The following JAKMIP3 variants were observed in gnomAD, a reference collection of about 807,000 sequenced individuals.
JAKMIP3 encodes Janus kinase and microtubule interacting protein 3.
JAKMIP3 carries 58 observed loss-of-function variants against 118.5 expected under a neutral mutation model. That is an observed-to-expected ratio of 0.49 (90% CI 0.40 to 0.61). JAKMIP3 has a LOEUF of 0.61. Ranked by LOEUF, JAKMIP3 falls within the 20% of genes least tolerant of loss-of-function variation. JAKMIP3 has a pLI of 0.00. For synonymous variants in JAKMIP3, 486 were observed against 451.2 expected (o/e 1.08, Z -0.98); for missense variants, 950 against 1,109.0 (o/e 0.86, Z 2.04).
rs369770681 is a variant in JAKMIP3 at position 132,149,520 on chromosome 10, G to A, written c.1947+10G>A. On this transcript the variant is annotated intron_variant, in intron 15 of 23. Coordinates refer to ENST00000684848, the MANE Select transcript of JAKMIP3 (RefSeq NM_001323087.2). ...GGCCGAAGGTGTGACGGTGAGTCCC[G>A]CCCCTCCTGCCCACTCCGCCCCCAC... The A allele has an allele frequency of 2.4e-5, 33 of 1,347,602 alleles. No homozygotes were observed. Among genetic ancestry groups the A allele is most frequent in the Middle Eastern group, 1.9e-4 (1 of 5,310 alleles). 83.5% of individuals were successfully genotyped at this position (1,347,602 alleles called of 1,614,324 possible). A position where few individuals can be genotyped will look rare whatever the true frequency, so the allele number is the denominator to read the frequency against.
chr10:132,061,219 G>A (rs1367679047), upstream of JAKMIP3, among the ~76,000 whole-genome samples: 1 of 33,426 alleles, frequency 3.0e-5, no homozygotes, highest in East Asian at 2.1e-3. Context: ...CCGTGACGGC[G>A]CACACATACA....
At chr10:132,102,442 C>T (rs989484870) in intron 1 of JAKMIP3, among the ~76,000 whole-genome samples, 1 of 152,144 alleles carries the variant, frequency 6.6e-6, no homozygotes, top group Admixed American at 6.5e-5. Context: ...CCAGCTTTGC[C>T]ATCTGCCCGA....
intron 3 of JAKMIP3, among the ~76,000 whole-genome samples, chr10:132,122,001 G>A (rs1400705565): frequency 2.0e-5 from 3 of 152,164 alleles, no homozygotes; most frequent in Non-Finnish European, 2.9e-5. Context: ...CCTAACTCTG[G>A]CCAGCAAAGC....
chr10:132,153,661 G>A, intron 17 of JAKMIP3, 98 bp from the exon 18 acceptor site: 1 of 1,173,508 alleles, frequency 8.5e-7, no homozygotes, highest in Admixed American at 1.7e-5. Flanking sequence ...GAAGAGGAAG[G>A]AAGACCCAGG....
intron 16 of JAKMIP3, among the ~76,000 whole-genome samples, chr10:132,150,671 C>T (rs1377719998): frequency 1.3e-5 from 2 of 151,844 alleles, no homozygotes; most frequent in Non-Finnish European, 1.5e-5. Context: ...TGTATCCATC[C>T]TCCACAATTC....
intron 1 of JAKMIP3, among the ~76,000 whole-genome samples, chr10:132,075,325 T>C (rs2040606233): frequency 6.6e-6 from 1 of 152,112 alleles, no homozygotes; most frequent in African/African-American, 2.4e-5. Context: ...TTACAGCTTT[T>C]CACAGTCCTT....
At chr10:132,126,030 G>A (rs1411980545) in intron 3 of JAKMIP3, among the ~76,000 whole-genome samples, 3 of 152,154 alleles carry the variant, frequency 2.0e-5, no homozygotes, top group Non-Finnish European at 4.4e-5. Flanking sequence ...GTCCCAAAGT[G>A]CTGGGATGAC....
At position 132,117,260 on chromosome 10, in the gene JAKMIP3, A is replaced by G; in HGVS notation, c.319A>G (p.Lys107Glu). ...QHEAELLRVIKIKDNENQRLQ... is the reference protein window; with the variant it reads ...QHEAELLRVIEIKDNENQRLQ... Reference sequence around the variant, plus strand: ...TGAGGCTGAGCTGCTCAGGGTCATCAAGATCAAGGACAACGAGAACCAGCG... The same window carrying G: ...TGAGGCTGAGCTGCTCAGGGTCATCGAGATCAAGGACAACGAGAACCAGCG... Residue 107 changes from lysine to glutamate, a missense_variant, in exon 3 of 24, where the codon AAG becomes GAG. Lys to Glu is a moderately conservative substitution (Grantham distance 56). Coordinates refer to ENST00000684848, the MANE Select transcript of JAKMIP3 (RefSeq NM_001323087.2). This position sits in a 1 kb window ranked among gnomAD's most constrained non-coding sequence, Gnocchi z 8.6. 6.2e-7 allele frequency: 1 copy of G among 1,613,986 alleles called. No homozygotes were observed. The highest frequency in any genetic ancestry group is 8.5e-7 in the Non-Finnish European group (1 of 1,179,884).
chr10:132,097,912 C>CTT lies in JAKMIP3; in HGVS notation c.-137-6760_-137-6759insTT, dbSNP rs1253476652. Among the ~76,000 whole-genome samples the CTT allele has an allele frequency of 1.9e-4, 9 of 46,406 alleles. 1 individual carries two copies. The highest frequency in any genetic ancestry group is 1.3e-3 in the South Asian group (1 of 788). The allele number at this position is 46,406 out of a possible 152,430, so 30.4% of individuals were successfully genotyped here. ...TCCCTTCCCCTTCCCCTTCCCCTTC[C>CTT]CCTTCCCCTTTCCTTCCCCTTCCCC... On this transcript the variant is annotated intron_variant, in intron 1 of 23. Coordinates refer to ENST00000684848, the MANE Select transcript of JAKMIP3 (RefSeq NM_001323087.2).
At chr10:132,056,152 G>A (rs1322531619) in intron 1 of JAKMIP3, among the ~76,000 whole-genome samples, 5 of 152,114 alleles carry the variant, frequency 3.3e-5, no homozygotes, top group Non-Finnish European at 5.9e-5. Flanking sequence ...GTCTGGCCTC[G>A]TTCCTGGTGA....
intron 1 of JAKMIP3, among the ~76,000 whole-genome samples, chr10:132,038,421 GATCTAGGAGTTTGTGGAAA>G (rs2037589308): frequency 6.6e-6 from 1 of 152,164 alleles, no homozygotes; most frequent in Non-Finnish European, 1.5e-5. Context: ...ACTTTTGCAA[GATCTAGGAGTTTGTGGAAA>G]ATGGCATAAC....
rs1353760033 is a variant in JAKMIP3, at chr10:132,159,012, C to G, written c.2221-4197C>G. Reference sequence around the variant, plus strand: ...GTGTGATGCTGGGGGGGGGCCTCTCCCTGTGTGATGCTGGGGGGGGTCTCT... The same window carrying G: ...GTGTGATGCTGGGGGGGGGCCTCTCGCTGTGTGATGCTGGGGGGGGTCTCT... On this transcript the variant is annotated intron_variant, in intron 19 of 23. Coordinates refer to ENST00000684848, the MANE Select transcript of JAKMIP3 (RefSeq NM_001323087.2). 3.9e-4 allele frequency among the ~76,000 whole-genome samples: 23 copies of G among 58,818 alleles called. 5 individuals are homozygous for G. Among genetic ancestry groups the G allele is most frequent in the African/African-American group, 1.2e-3 (15 of 12,492 alleles). 38.6% of individuals were successfully genotyped at this position (58,818 alleles called of 152,430 possible).
chr10:132,126,055 A>G (rs2049479425), intron 3 of JAKMIP3, among the ~76,000 whole-genome samples: 1 of 152,252 alleles, frequency 6.6e-6, no homozygotes, highest in African/African-American at 2.4e-5. Flanking sequence ...GTGAGCCACC[A>G]TACCTCATCC....
At chr10:132,042,753 C>T (rs2037800090) in intron 1 of JAKMIP3, among the ~76,000 whole-genome samples, 1 of 152,118 alleles carries the variant, frequency 6.6e-6, no homozygotes, top group South Asian at 2.1e-4. Flanking sequence ...CACCCTGGAT[C>T]ATTAGGGTAT....
At chr10:132,167,274 C>T (rs1016915290) in intron 22 of JAKMIP3, among the ~76,000 whole-genome samples, 9 of 152,290 alleles carry the variant, frequency 5.9e-5, no homozygotes, top group South Asian at 2.1e-4. Context: ...CTGTAGAGGC[C>T]GCAAGGTGCT....
rs572147221 is a variant in JAKMIP3, at chr10:132,179,033, G to T, written c.*1104-3324G>T. On this transcript the variant is annotated intron_variant, in intron 23 of 23. Coordinates refer to ENST00000684848, the MANE Select transcript of JAKMIP3 (RefSeq NM_001323087.2). The surrounding 1 kb of genome is among the most constrained non-coding windows in gnomAD (Gnocchi z 4.3). ...TGCCTTCGTGCCCGTGGGGCTGGGGGCCCCGACCTGTGGAAACACCCTGTG... is the reference window on the plus strand; with the variant it reads ...TGCCTTCGTGCCCGTGGGGCTGGGGTCCCCGACCTGTGGAAACACCCTGTG... Among the ~76,000 whole-genome samples the T allele has an allele frequency of 6.7e-4, 102 of 152,338 alleles. No individual in the cohort carries two copies. The highest frequency in any genetic ancestry group is 1.2e-3 in the Non-Finnish European group (85 of 68,018).
rs2932950 is a variant in JAKMIP3, at chr10:132,158,941, G to T, written c.2221-4268G>T. ...AGGGGCATCTTCCTTTGTGATGCTGGGGGGGGGGACCTCTCGCTGTGTGAT... is the reference window on the plus strand; with the variant it reads ...AGGGGCATCTTCCTTTGTGATGCTGTGGGGGGGGACCTCTCGCTGTGTGAT... On this transcript the variant is annotated intron_variant, in intron 19 of 23. Coordinates refer to ENST00000684848, the MANE Select transcript of JAKMIP3 (RefSeq NM_001323087.2). Among the ~76,000 whole-genome samples, 257 of 85,708 alleles carry T rather than the reference G, an allele frequency of 3.0e-3. 12 individuals carry two copies. The highest frequency in any genetic ancestry group is 6.0e-3 in the African/African-American group (87 of 14,580). 56.2% of individuals were successfully genotyped at this position (85,708 alleles called of 152,430 possible).
At chr10:132,051,118 G>A (rs1229631495) in intron 1 of JAKMIP3, among the ~76,000 whole-genome samples, 1 of 149,296 alleles carries the variant, frequency 6.7e-6, no homozygotes, top group African/African-American at 2.5e-5. Context: ...AGCCGTTCTG[G>A]TGAGTGGGTA....
Position 132,049,856 on chromosome 10 carries a change from A to G in JAKMIP3, c.-138+13118A>G, listed in dbSNP as rs764331587. The stretch of plus-strand genomic sequence containing the variant: ...TGATTTTCTTCCATAGTCTTCTGTG[A>G]CGTTTTTGTTTTGGCTATTTTTGAT... On this transcript the variant is annotated intron_variant, in intron 1 of 23. Coordinates refer to the JAKMIP3 transcript ENST00000657785. The surrounding 1 kb of genome is among the most constrained non-coding windows in gnomAD (Gnocchi z 4.3). 1.3e-5 allele frequency among the ~76,000 whole-genome samples: 2 copies of G among 152,112 alleles called. No individual in the cohort carries two copies. Among genetic ancestry groups the G allele is most frequent in the Non-Finnish European group, 2.9e-5 (2 of 68,012 alleles).
Sources: gnomAD v4.1 joint callset for allele counts (sites outside exome capture counted in the v4.1 genomes callset) on GRCh38, gnomAD v4.1.1 for gene constraint, Gnocchi (gnomAD v3.1) non-coding constraint, MANE v1.5 for transcripts, NCBI Gene and HGNC (gene_info 2026-07-23, HGNC 2026-07-21) for gene names.